The following LRRTM4 variants were observed in gnomAD, a reference collection of about 807,000 sequenced individuals.
The protein encoded by LRRTM4 is leucine-rich repeat transmembrane neuronal protein 4.
Under a neutral mutation model 47.6 loss-of-function variants are expected in LRRTM4, and 25 were observed. The ratio of observed to expected loss-of-function variants is 0.53; its 90% CI spans 0.38 to 0.73. The LOEUF (loss-of-function observed/expected upper bound fraction) is 0.73, where lower values mean the gene tolerates loss of function less well. Ranked by LOEUF, LRRTM4 falls within the 30% of genes least tolerant of loss-of-function variation. The pLI is 0.00. For synonymous variants in LRRTM4, 311 were observed against 269.5 expected (o/e 1.15, Z -1.51); for missense variants, 638 against 713.4 (o/e 0.89, Z 1.20).
At chr2:77,039,410 A>G (rs976408528) in intron 3 of LRRTM4, among the ~76,000 whole-genome samples, 14 of 151,102 alleles carry the variant, frequency 9.3e-5, no homozygotes, top group African/African-American at 3.4e-4. Context: ...GCTCTGTTTA[A>G]AAAAGTTAGT....
At chr2:77,313,303 A>G (rs1207963682) in intron 3 of LRRTM4, among the ~76,000 whole-genome samples, 2 of 141,430 alleles carry the variant, frequency 1.4e-5, no homozygotes, top group African/African-American at 2.7e-5. Context: ...TTTTCCTGGG[A>G]CCTGGTGCTG....
At chr2:77,009,422 A>C (rs1486391115) in intron 3 of LRRTM4, 1 of 152,144 alleles carries the variant, frequency 6.6e-6, no homozygotes, top group Admixed American at 6.6e-5. Flanking sequence ...GATTACAAGC[A>C]TGATTCATGC....
intron 3 of LRRTM4, among the ~76,000 whole-genome samples, chr2:77,435,979 T>C (rs1028136098): frequency 1.3e-5 from 2 of 152,170 alleles, no homozygotes; most frequent in African/African-American, 2.4e-5. Flanking sequence ...CATTTCTTCG[T>C]TCAGTTTTAA....
chr2:77,001,830 C>A (rs1677440952), intron 3 of LRRTM4, among the ~76,000 whole-genome samples: 1 of 152,062 alleles, frequency 6.6e-6, no homozygotes, highest in Non-Finnish European at 1.5e-5. Context: ...AGTCTTATTG[C>A]CTAAACAATA....
chr2:77,079,071 A>G (rs548885350), intron 3 of LRRTM4, among the ~76,000 whole-genome samples: 2 of 152,290 alleles, frequency 1.3e-5, no homozygotes, highest in African/African-American at 4.8e-5. Flanking sequence ...TTCTAATACC[A>G]TCACATTGAG....
At chr2:77,014,811 CAAA>C (rs1678001671) in intron 3 of LRRTM4, among the ~76,000 whole-genome samples, 2 of 150,286 alleles carry the variant, frequency 1.3e-5, no homozygotes, top group South Asian at 4.2e-4. Context: ...GACTCTGTCT[CAAA>C]GAAAAAAAAT....
chr2:77,430,993 AACTCT>A (rs1367839422), intron 3 of LRRTM4, among the ~76,000 whole-genome samples: 1 of 148,472 alleles, frequency 6.7e-6, no homozygotes, highest in Non-Finnish European at 1.5e-5. Flanking sequence ...TGGACATCCG[AACTCT>A]AGGTTTTCTG....
chr2:77,013,547 A>G (rs927424376), intron 3 of LRRTM4, among the ~76,000 whole-genome samples: 1 of 152,088 alleles, frequency 6.6e-6, no homozygotes, highest in Non-Finnish European at 1.5e-5. Flanking sequence ...TATCTGTATC[A>G]ATGGGGAGAT....
At chr2:77,265,949 T>G (rs1676038397) in intron 3 of LRRTM4, among the ~76,000 whole-genome samples, 1 of 152,208 alleles carries the variant, frequency 6.6e-6, no homozygotes, top group African/African-American at 2.4e-5. Flanking sequence ...TAACATTACT[T>G]GTTGAAAACA....
intron 3 of LRRTM4, among the ~76,000 whole-genome samples, chr2:77,470,686 A>G (rs1573458056): frequency 6.6e-6 from 1 of 152,240 alleles, no homozygotes; most frequent in East Asian, 1.9e-4. Flanking sequence ...TTTTCATTAT[A>G]ATGTTTGTCT....
intron 3 of LRRTM4, among the ~76,000 whole-genome samples, chr2:76,749,740 A>C (rs552262477): frequency 6.6e-6 from 1 of 152,328 alleles, no homozygotes; most frequent in South Asian, 2.1e-4. Context: ...TGGAGCTTTT[A>C]ATTAAGCCAT....
chr2:77,519,986 T>C lies in LRRTM4; in HGVS notation c.5-122A>G. On this transcript the variant is annotated intron_variant, in intron 2 of 3. Coordinates refer to ENST00000409884, the MANE Select transcript of LRRTM4 (RefSeq NM_001134745.3). This position sits in a 1 kb window ranked among gnomAD's most constrained non-coding sequence, Gnocchi z 4.6. ...AATGGGACAGTTGATTTAAGGAAAA[T>C]GCATTAACATTTCGAGCATTATTTT... is the stretch of plus-strand genomic sequence containing the variant. 2.1e-6 allele frequency: 3 copies of C among 1,403,364 alleles called. No homozygotes were observed. Among genetic ancestry groups the C allele is most frequent in the Non-Finnish European group, 1.9e-6 (2 of 1,069,110 alleles). 86.9% of individuals were successfully genotyped at this position (1,403,364 alleles called of 1,614,324 possible).
chr2:77,487,846 C>T (rs1573482406), intron 3 of LRRTM4, among the ~76,000 whole-genome samples: 6 of 152,164 alleles, frequency 3.9e-5, no homozygotes, highest in Admixed American at 3.9e-4. Flanking sequence ...ATTCAGCCAG[C>T]CTCCTGCTTT....
intron 3 of LRRTM4, among the ~76,000 whole-genome samples, chr2:76,883,966 C>G (rs568297564): frequency 2.1e-4 from 32 of 151,146 alleles, no homozygotes; most frequent in African/African-American, 7.8e-4. Flanking sequence ...TACAGGTGCA[C>G]ACCACCACAC....
At chr2:76,892,325 T>C (rs1017042104) in intron 3 of LRRTM4, among the ~76,000 whole-genome samples, 1 of 151,740 alleles carries the variant, frequency 6.6e-6, no homozygotes, top group Non-Finnish European at 1.5e-5. Context: ...TATTTGGTTA[T>C]TTGAAAGAGA....
intron 3 of LRRTM4, among the ~76,000 whole-genome samples, chr2:77,361,633 A>G (rs1672215082): frequency 6.6e-6 from 1 of 152,216 alleles, no homozygotes; most frequent in African/African-American, 2.4e-5. Context: ...TGAAATAACT[A>G]TGCCTGGTAT....
chr2:77,097,279 C>T (rs1481635010), intron 3 of LRRTM4, among the ~76,000 whole-genome samples: 1 of 151,844 alleles, frequency 6.6e-6, no homozygotes, highest in Non-Finnish European at 1.5e-5. Flanking sequence ...ACCCATCCCC[C>T]ATTATTTTGG....
chr2:77,058,173 T>G (rs1411674239), intron 3 of LRRTM4, among the ~76,000 whole-genome samples: 1 of 152,218 alleles, frequency 6.6e-6, no homozygotes, highest in Non-Finnish European at 1.5e-5. Flanking sequence ...AAAGTCAGTC[T>G]GTTTGAGGTT....
intron 3 of LRRTM4, among the ~76,000 whole-genome samples, chr2:77,317,516 T>C (rs989765292): frequency 5.3e-5 from 8 of 152,208 alleles, no homozygotes; most frequent in African/African-American, 1.9e-4. Flanking sequence ...TGAATAAATA[T>C]AATATTTTCC....
Sources: gnomAD v4.1 joint callset for allele counts (sites outside exome capture counted in the v4.1 genomes callset) on GRCh38, gnomAD v4.1.1 for gene constraint, Gnocchi (gnomAD v3.1) non-coding constraint, MANE v1.5 for transcripts, NCBI Gene and HGNC (gene_info 2026-07-23, HGNC 2026-07-21) for gene names.